MAML3: variants seen among roughly 807,000 people sequenced by gnomAD.
The protein encoded by MAML3 is mastermind like transcriptional coactivator 3, also known as mastermind-like protein 3.
Under a neutral mutation model 101.9 loss-of-function variants are expected in MAML3, and 27 were observed. The ratio of observed to expected loss-of-function variants is 0.27; its 90% confidence interval spans 0.20 to 0.37. The LOEUF (loss-of-function observed/expected upper bound fraction) is 0.37. MAML3 is among the 10% of genes least tolerant of loss of function. The pLI is 1.00. For synonymous variants in MAML3, 501 were observed against 555.9 expected, an observed-to-expected ratio of 0.90 and a Z score of 1.39; for missense variants, 1,316 against 1,444.9, an observed-to-expected ratio of 0.91 and a Z score of 1.45.
At chr4:139,906,695 G>A (rs371113037) in intron 1 of MAML3, among the ~76,000 whole-genome samples, 1 of 152,278 alleles carries the variant, frequency 6.6e-6, no homozygotes, top group South Asian at 2.1e-4. Context: ...TAAAAAGTAT[G>A]TATTTCAATG....
chr4:139,753,883 G>A (rs1421932333), intron 2 of MAML3, among the ~76,000 whole-genome samples: 1 of 152,168 alleles, frequency 6.6e-6, no homozygotes, highest in African/African-American at 2.4e-5. Context: ...GAGACAAATG[G>A]AAATGAAGAA....
intron 1 of MAML3, among the ~76,000 whole-genome samples, chr4:139,903,929 C>A (rs1732772221): frequency 6.6e-6 from 1 of 152,196 alleles, no homozygotes; most frequent in South Asian, 2.1e-4. Flanking sequence ...CAAAAGGGAA[C>A]ACTGTGTCCT....
In MAML3 at chr4:139,980,487, A is replaced by C. The variant is rs190036920; in HGVS notation, c.469-89520T>G. On this transcript the variant is annotated intron_variant, in intron 1 of 4. Transcript: ENST00000509479. ...CAGGCTGATTTACTTCTCTACATGG[A>C]GTCCAAACATATTAAAAATCTAATG... Among the ~76,000 whole-genome samples, 539 of 152,294 alleles carry C rather than the reference A, an allele frequency of 3.5e-3. 3 individuals carry two copies. Among genetic ancestry groups the C allele is most frequent in the Non-Finnish European group, 6.2e-3 (424 of 68,018 alleles).
intron 1 of MAML3, among the ~76,000 whole-genome samples, chr4:140,075,524 C>T (rs1372949289): frequency 8.5e-5 from 13 of 152,088 alleles, no homozygotes. Context: ...GAAAGTTAAA[C>T]ATAGATACAT....
chr4:140,078,690 G>A (rs1171192427), intron 1 of MAML3, among the ~76,000 whole-genome samples: 1 of 152,180 alleles, frequency 6.6e-6, no homozygotes, highest in Non-Finnish European at 1.5e-5. Context: ...GACAAGGCAG[G>A]CATAAAAATG....
At chr4:140,103,162 G>A (rs1303229077) in intron 1 of MAML3, among the ~76,000 whole-genome samples, 1 of 152,162 alleles carries the variant, frequency 6.6e-6, no homozygotes, top group Admixed American at 6.5e-5. Flanking sequence ...AAAATTACAA[G>A]ATAATATACA....
At chr4:140,143,630 G>A (rs909204758) in intron 1 of MAML3, among the ~76,000 whole-genome samples, 9 of 152,224 alleles carry the variant, frequency 5.9e-5, no homozygotes, top group African/African-American at 1.2e-4. Context: ...GCGTGGTGGC[G>A]GGTGCCTGTA....
chr4:139,965,782 G>C (rs571939396), intron 1 of MAML3, among the ~76,000 whole-genome samples: 171 of 152,172 alleles, frequency 1.1e-3, no homozygotes, highest in African/African-American at 3.9e-3. Flanking sequence ...TTAGAGAAAA[G>C]AGTGTCTTGC....
intron 1 of MAML3, among the ~76,000 whole-genome samples, chr4:140,073,150 T>G (rs1272721328): frequency 6.6e-6 from 1 of 151,922 alleles, no homozygotes. Flanking sequence ...TCTTTTTTTT[T>G]TTTTTGAGAT....
Position 140,145,814 on chromosome 4 carries a change from C to T in MAML3, c.468+7046G>A, listed in dbSNP as rs146548352. 2.7e-3 allele frequency among the ~76,000 whole-genome samples: 405 copies of T among 151,464 alleles called. 2 individuals carry two copies. Among genetic ancestry groups the T allele is most frequent in the African/African-American group, 7.5e-3 (308 of 41,286 alleles). On this transcript the variant is annotated intron_variant, in intron 1 of 4. Transcript: ENST00000509479. ...CTCCTGACCTCGTGATCTGCCCGCT[C>T]GGCCTCCCAAAGTGCTGGGATTACA...
At chr4:139,795,500 T>C (rs111897197) in intron 2 of MAML3, among the ~76,000 whole-genome samples, 8 of 152,336 alleles carry the variant, frequency 5.3e-5, no homozygotes, top group East Asian at 1.9e-4. Context: ...ATTGTCAAAT[T>C]CATCTTATTA....
At chr4:140,049,653 A>C (rs1727236143) in intron 1 of MAML3, among the ~76,000 whole-genome samples, 1 of 148,982 alleles carries the variant, frequency 6.7e-6, no homozygotes, top group Non-Finnish European at 1.5e-5. Flanking sequence ...TCTACGTATA[A>C]ATCATACATG....
At chr4:139,876,406 C>T (rs971731799) in intron 2 of MAML3, among the ~76,000 whole-genome samples, 3 of 152,198 alleles carry the variant, frequency 2.0e-5, no homozygotes, top group Non-Finnish European at 4.4e-5. Context: ...AGTGTGTTTC[C>T]AAGTCTTGTC....
chr4:139,923,017 G>A lies in MAML3; in HGVS notation c.469-32050C>T, dbSNP rs75244752. On this transcript the variant is annotated intron_variant, in intron 1 of 4. Transcript: ENST00000509479. Reference sequence around the variant, plus strand: ...TGCACCCCAGTGCTCAGAAGGGGAGGGAGCTCTGCTCATGATAGGGTGCCA... The same window carrying A: ...TGCACCCCAGTGCTCAGAAGGGGAGAGAGCTCTGCTCATGATAGGGTGCCA... 5.2e-3 allele frequency among the ~76,000 whole-genome samples: 796 copies of A among 152,270 alleles called. 5 individuals are homozygous for A. Among genetic ancestry groups the A allele is most frequent in the African/African-American group, 0.018 (754 of 41,550 alleles).
At chr4:139,912,301 T>C (rs1372126109) in intron 1 of MAML3, among the ~76,000 whole-genome samples, 1 of 152,196 alleles carries the variant, frequency 6.6e-6, no homozygotes. Flanking sequence ...TTGGCTCTAA[T>C]AGTCTTTCTT....
chr4:139,932,038 G>A (rs1446058109), intron 1 of MAML3, among the ~76,000 whole-genome samples: 1 of 152,002 alleles, frequency 6.6e-6, no homozygotes, highest in Non-Finnish European at 1.5e-5. Context: ...AAGTACTTTA[G>A]AAATAATTTT....
At chr4:140,047,842 C>T (rs1035142283) in intron 1 of MAML3, among the ~76,000 whole-genome samples, 3 of 151,942 alleles carry the variant, frequency 2.0e-5, no homozygotes, top group East Asian at 1.9e-4. Flanking sequence ...AGTTTGAAGA[C>T]TGTCTGTGAA....
intron 1 of MAML3, among the ~76,000 whole-genome samples, chr4:140,125,176 AAC>A (rs1490519352): frequency 1.3e-5 from 2 of 152,220 alleles, no homozygotes; most frequent in African/African-American, 2.4e-5. Flanking sequence ...AATTAATATT[AAC>A]ACATATAAAT....
intron 1 of MAML3, among the ~76,000 whole-genome samples, chr4:139,987,815 T>G (rs1361292985): frequency 6.6e-6 from 1 of 151,452 alleles, no homozygotes; most frequent in South Asian, 2.1e-4. Context: ...AGGTCAGGAG[T>G]TCGAGACCAG....
Sources: gnomAD v4.1 joint callset for allele counts (sites outside exome capture counted in the v4.1 genomes callset) on GRCh38, gnomAD v4.1.1 for gene constraint, MANE v1.5 for transcripts, NCBI Gene and HGNC (gene_info 2026-07-23, HGNC 2026-07-21) for gene names.